MCC: variants seen among roughly 807,000 people sequenced by gnomAD.
MCC encodes colorectal mutant cancer protein.
Under a neutral mutation model 116.2 loss-of-function variants are expected in MCC, and 90 were observed. That is an observed-to-expected ratio of 0.77 (90% CI 0.65 to 0.92). The LOEUF is 0.92. Ranked by LOEUF, MCC falls within the 40% of genes least tolerant of loss-of-function variation. The pLI is 0.00. For synonymous variants in MCC, 578 were observed against 510.5 expected (o/e 1.13, Z -1.78); for missense variants, 1,516 against 1,312.2 (o/e 1.16, Z -2.40).
chr5:113,263,041 T>A (rs1212934439), intron 3 of MCC, among the ~76,000 whole-genome samples: 1 of 151,836 alleles, frequency 6.6e-6, no homozygotes, highest in African/African-American at 2.4e-5. Context: ...TACTTGTATA[T>A]TTTTCTACCC....
Position 113,082,871 on chromosome 5 carries a change from T to C in MCC, c.1773A>G (p.Glu591=), listed in dbSNP as rs1342384002. The C allele has an allele frequency of 6.2e-7, 1 of 1,614,020 alleles. No homozygotes were observed. Among genetic ancestry groups the C allele is most frequent in the Non-Finnish European group, 8.5e-7 (1 of 1,180,002 alleles). ...CGATCTCTCCTCACCTATTCAGCCG[T>C]TCTGTTTCCACCTCAAACTCTCTAA... ...SKIREFEVET[E]RLNSRIEHLK... The change falls in exon 11 of 19, where the codon GAA becomes GAG. Residue 591 remains glutamate, a synonymous_variant. Coordinates refer to ENST00000408903, the MANE Select transcript of MCC (RefSeq NM_001085377.2).
chr5:113,180,436 G>T (rs997234783), intron 3 of MCC, among the ~76,000 whole-genome samples: 1 of 152,120 alleles, frequency 6.6e-6, no homozygotes, highest in Non-Finnish European at 1.5e-5. Flanking sequence ...TTATAGGCAG[G>T]ATTACTGATT....
intron 3 of MCC, among the ~76,000 whole-genome samples, chr5:113,155,226 T>C (rs951696588): frequency 6.6e-6 from 1 of 152,240 alleles, no homozygotes; most frequent in Non-Finnish European, 1.5e-5. Context: ...CACTCTTTAT[T>C]ATGGCTGAAT....
At chr5:113,245,450 A>C (rs1263509642) in intron 3 of MCC, among the ~76,000 whole-genome samples, 1 of 152,056 alleles carries the variant, frequency 6.6e-6, no homozygotes, top group East Asian at 1.9e-4. Context: ...CACAAGCCAT[A>C]AACAACCTAA....
At chr5:113,094,577 C>T (rs768271082) in intron 8 of MCC, among the ~76,000 whole-genome samples, 3 of 152,006 alleles carry the variant, frequency 2.0e-5, no homozygotes, top group African/African-American at 7.3e-5. Context: ...CCCACCACCA[C>T]GCCTGGCTAA....
At chr5:113,055,244 C>T (rs1752757163) in intron 14 of MCC, among the ~76,000 whole-genome samples, 1 of 152,176 alleles carries the variant, frequency 6.6e-6, no homozygotes, top group Non-Finnish European at 1.5e-5. Context: ...CCCCAGAATC[C>T]TGTAGCTAGA....
chr5:113,327,067 A>G (rs1767572196), intron 3 of MCC, among the ~76,000 whole-genome samples: 1 of 152,186 alleles, frequency 6.6e-6, no homozygotes, highest in Admixed American at 6.5e-5. Context: ...CCAACAAAAA[A>G]GAAGGAAGCA....
At position 113,482,599 on chromosome 5, in the gene MCC, T is replaced by C. The variant is rs112200327; in HGVS notation, c.170+5646A>G. 1.8e-3 allele frequency among the ~76,000 whole-genome samples: 279 copies of C among 152,308 alleles called. 2 individuals are homozygous for C. The highest frequency in any genetic ancestry group is 6.5e-3 in the African/African-American group (270 of 41,564). ...TTCAGATCCTTTGTCCATTTTTACATTGGGTTATTTGTCTTTTTATTATTA... is the reference window on the plus strand; with the variant it reads ...TTCAGATCCTTTGTCCATTTTTACACTGGGTTATTTGTCTTTTTATTATTA... On this transcript the variant is annotated intron_variant, in intron 1 of 18. Coordinates refer to ENST00000408903, the MANE Select transcript of MCC (RefSeq NM_001085377.2).
Position 113,373,755 on chromosome 5 carries a change from T to C in MCC, c.415+11213A>G, listed in dbSNP as rs149998149. Among the ~76,000 whole-genome samples, 287 of 152,352 alleles carry C rather than the reference T, an allele frequency of 1.9e-3. 1 individual carries two copies. Among genetic ancestry groups the C allele is most frequent in the Non-Finnish European group, 3.5e-3 (239 of 68,038 alleles). ...GAAATATATAAAGGATACTGTCATG[T>C]AATATCCTTAATTATGTTCATAATT... On this transcript the variant is annotated intron_variant, in intron 2 of 18. Transcript: ENST00000408903.
intron 3 of MCC, among the ~76,000 whole-genome samples, chr5:113,261,450 C>A (rs998572255): frequency 4.6e-5 from 7 of 152,140 alleles, no homozygotes; most frequent in Non-Finnish European, 8.8e-5. Flanking sequence ...AGCTGTGCTT[C>A]AAGAAGTTTG....
chr5:113,202,564 T>C (rs944280176), intron 3 of MCC, among the ~76,000 whole-genome samples: 1 of 152,212 alleles, frequency 6.6e-6, no homozygotes, highest in African/African-American at 2.4e-5. Context: ...ACGCCGACAG[T>C]GTATTTGCAG....
At chr5:113,150,691 T>C (rs1316739522) in intron 4 of MCC, among the ~76,000 whole-genome samples, 7 of 151,972 alleles carry the variant, frequency 4.6e-5, no homozygotes, top group Non-Finnish European at 1.0e-4. Context: ...CAGATAAAGA[T>C]AGGCAAAGAT....
intron 3 of MCC, among the ~76,000 whole-genome samples, chr5:113,333,851 G>C (rs1468488312): frequency 2.5e-5 from 3 of 118,072 alleles, no homozygotes; most frequent in African/African-American, 1.0e-4. Context: ...ATGTATATAT[G>C]TACATATATG....
intron 1 of MCC, among the ~76,000 whole-genome samples, chr5:113,423,170 C>T (rs949496388): frequency 3.9e-5 from 6 of 152,158 alleles, no homozygotes; most frequent in African/African-American, 4.8e-5. Context: ...TTTAGTGTCA[C>T]GTTTTTCATA....
chr5:113,368,244 CCT>C (rs35568089), intron 2 of MCC, among the ~76,000 whole-genome samples: 15,165 of 151,812 alleles, frequency 0.1, 1,177 homozygotes, highest in African/African-American at 0.21. Context: ...GTTTTGATTT[CCT>C]CTCTGAAAAT....
intron 1 of MCC, among the ~76,000 whole-genome samples, chr5:113,448,918 A>G (rs1335956445): frequency 6.6e-6 from 1 of 152,218 alleles, no homozygotes; most frequent in Non-Finnish European, 1.5e-5. Flanking sequence ...CTCAGTAAAG[A>G]AGGTTTGAAA....
At chr5:113,339,575 T>A (rs976435274) in intron 3 of MCC, among the ~76,000 whole-genome samples, 1 of 152,210 alleles carries the variant, frequency 6.6e-6, no homozygotes, top group African/African-American at 2.4e-5. Flanking sequence ...CTTTCCTTGT[T>A]TTTGATAACC....
intron 14 of MCC, among the ~76,000 whole-genome samples, chr5:113,060,057 T>C (rs919746001): frequency 6.6e-6 from 1 of 152,206 alleles, no homozygotes; most frequent in Non-Finnish European, 1.5e-5. Flanking sequence ...TCTTTTGCCT[T>C]GAAAATCCGT....
intron 1 of MCC, among the ~76,000 whole-genome samples, chr5:113,487,196 CTT>C (rs1335934591): frequency 1.6e-4 from 22 of 139,564 alleles, no homozygotes; most frequent in Admixed American, 2.2e-4. Context: ...ACTTTGCTTT[CTT>C]TTTTTTTTTT....
Sources: gnomAD v4.1 joint callset for allele counts (sites outside exome capture counted in the v4.1 genomes callset) on GRCh38, gnomAD v4.1.1 for gene constraint, MANE v1.5 for transcripts, NCBI Gene and HGNC (gene_info 2026-07-23, HGNC 2026-07-21) for gene names.